Variants in RPTOR observed in about 807,000 individuals in gnomAD.
The protein encoded by RPTOR is regulatory associated protein of MTOR complex 1, also known as regulatory-associated protein of mTOR.
A neutral mutation model predicts 169.9 loss-of-function variants in RPTOR; 21 were observed. The observed-to-expected ratio is 0.12, with a 90% CI of 0.09 to 0.18. The LOEUF is 0.18. Ranked by LOEUF, RPTOR falls within the 10% of genes least tolerant of loss-of-function variation. The pLI, the probability that RPTOR is intolerant of heterozygous loss-of-function variation, is 1.00. For synonymous variants in RPTOR, 732 were observed against 753.2 expected (o/e 0.97, Z 0.46); for missense variants, 1,133 against 1,855.9 (o/e 0.61, Z 7.16).
At chr17:80,728,965 TTGGC>T (rs1382917046) in intron 4 of RPTOR, among the ~76,000 whole-genome samples, 2 of 152,194 alleles carry the variant, frequency 1.3e-5, no homozygotes, top group Non-Finnish European at 2.9e-5. Flanking sequence ...AACAACATGT[TTGGC>T]AGAGCACAGG....
At chr17:80,561,198 G>A (rs1323087501) in intron 1 of RPTOR, among the ~76,000 whole-genome samples, 1 of 142,520 alleles carries the variant, frequency 7.0e-6, no homozygotes, top group African/African-American at 2.6e-5. Context: ...AGCCTCCTGA[G>A]TAGCTATGAT....
At chr17:80,790,499 T>C in intron 6 of RPTOR, among the ~76,000 whole-genome samples, 1 of 152,100 alleles carries the variant, frequency 6.6e-6, no homozygotes, top group East Asian at 1.9e-4. Context: ...TCTGTGTCTT[T>C]TTCTCCCATT....
chr17:80,835,632 G>A (rs897211611), intron 9 of RPTOR, among the ~76,000 whole-genome samples: 24 of 152,298 alleles, frequency 1.6e-4, no homozygotes, highest in Non-Finnish European at 2.4e-4. Flanking sequence ...TTCCCCTCCC[G>A]ACCTTGCGGG....
At position 80,844,914 on chromosome 17, in the gene RPTOR, C is replaced by T. The variant is rs1028101513; in HGVS notation, c.1213-1559C>T. On this transcript the variant is annotated intron_variant, in intron 10 of 33. Transcript: ENST00000306801. This position sits in a 1 kb window ranked among gnomAD's most constrained non-coding sequence, Gnocchi z 4.7. ...CCACTGCGGCCACCCACCTTCCCCC[C>T]GAGCAAAATCAAACAACGTAGGGAA... is the stretch of plus-strand genomic sequence containing the variant. Among the ~76,000 whole-genome samples, 4 of 152,038 alleles carry T rather than the reference C, an allele frequency of 2.6e-5. No individual in the cohort carries two copies. Among genetic ancestry groups the T allele is most frequent in the Non-Finnish European group, 2.9e-5 (2 of 68,004 alleles).
At chr17:80,713,722 C>T (rs2143125173) in intron 4 of RPTOR, among the ~76,000 whole-genome samples, 1 of 152,124 alleles carries the variant, frequency 6.6e-6, no homozygotes, top group African/African-American at 2.4e-5. Context: ...TAAAGAGGGC[C>T]ATTTCCTCAT....
chr17:80,954,294 G>A (rs2069220557), intron 28 of RPTOR, among the ~76,000 whole-genome samples: 1 of 152,258 alleles, frequency 6.6e-6, no homozygotes, highest in East Asian at 1.9e-4. Context: ...GCTATTTTGT[G>A]TATTTTTAGT....
intron 5 of RPTOR, among the ~76,000 whole-genome samples, chr17:80,737,243 G>A (rs1460508969): frequency 6.6e-6 from 1 of 152,234 alleles, no homozygotes; most frequent in African/African-American, 2.4e-5. Flanking sequence ...GTGACAGGAG[G>A]CGTTGGCTAG....
At chr17:80,565,117 T>C (rs2084563431) in intron 1 of RPTOR, among the ~76,000 whole-genome samples, 1 of 152,226 alleles carries the variant, frequency 6.6e-6, no homozygotes, top group African/African-American at 2.4e-5. Context: ...GAAGGATTTC[T>C]AGCTTTGTGT....
At chr17:80,809,852 C>T (rs1372047776) in intron 7 of RPTOR, among the ~76,000 whole-genome samples, 1 of 152,084 alleles carries the variant, frequency 6.6e-6, no homozygotes, top group Admixed American at 6.5e-5. Context: ...TCCTAGCTAA[C>T]ACGGTGAAAG....
chr17:80,816,238 C>T (rs771553740), intron 7 of RPTOR, among the ~76,000 whole-genome samples: 7 of 152,328 alleles, frequency 4.6e-5, no homozygotes, highest in Non-Finnish European at 8.8e-5. Context: ...GGGCCTGGCC[C>T]GAGAATGCTG....
intron 6 of RPTOR, among the ~76,000 whole-genome samples, chr17:80,755,752 AAAAAAAGAAAC>A (rs895457274): frequency 6.6e-6 from 1 of 151,414 alleles, no homozygotes; most frequent in African/African-American, 2.4e-5. Context: ...AAAAAAAAAA[AAAAAAAGAAAC>A]AAAAAAAGAG....
chr17:80,566,429 A>G (rs1379172184), intron 1 of RPTOR, among the ~76,000 whole-genome samples: 1 of 152,208 alleles, frequency 6.6e-6, no homozygotes, highest in Non-Finnish European at 1.5e-5. Flanking sequence ...TTAAAAAGGT[A>G]TATGTACACA....
intron 25 of RPTOR, among the ~76,000 whole-genome samples, chr17:80,944,333 A>T (rs1207187820): frequency 6.6e-6 from 1 of 152,254 alleles, no homozygotes; most frequent in Admixed American, 6.5e-5. Context: ...TACGAATCAG[A>T]GCCCTACCGA....
intron 1 of RPTOR, among the ~76,000 whole-genome samples, chr17:80,566,626 C>T (rs1189277741): frequency 6.6e-6 from 1 of 151,592 alleles, no homozygotes; most frequent in African/African-American, 2.4e-5. Context: ...CGAGATCATC[C>T]TGGCTAATAC....
At chr17:80,670,327 C>T (rs1366223893) in intron 3 of RPTOR, among the ~76,000 whole-genome samples, 2 of 152,170 alleles carry the variant, frequency 1.3e-5, no homozygotes, top group African/African-American at 4.8e-5. Flanking sequence ...TGCGCCTTCC[C>T]TCTCCTTTCC....
intron 7 of RPTOR, among the ~76,000 whole-genome samples, 183 bp downstream of exon 7, chr17:80,791,692 GAGATAACCAAACA>G (rs1567913291): frequency 6.6e-6 from 1 of 152,104 alleles, no homozygotes; most frequent in South Asian, 2.1e-4. Context: ...CTTAGTGCAG[GAGATAACCAAACA>G]TGGGCCATAT....
At chr17:80,918,949 G>C (rs1305829977) in intron 21 of RPTOR, among the ~76,000 whole-genome samples, 1 of 152,098 alleles carries the variant, frequency 6.6e-6, no homozygotes, top group Admixed American at 6.5e-5. Flanking sequence ...TGTGGAAAAG[G>C]GGCCACAGCA....
At chr17:80,868,970 G>C (rs2068022520) in intron 13 of RPTOR, among the ~76,000 whole-genome samples, 1 of 152,152 alleles carries the variant, frequency 6.6e-6, no homozygotes, top group African/African-American at 2.4e-5. Context: ...AGGGGCAGAA[G>C]AAAATGTCTG....
At chr17:80,664,724 G>T (rs895277665) in intron 3 of RPTOR, among the ~76,000 whole-genome samples, 3 of 152,202 alleles carry the variant, frequency 2.0e-5, no homozygotes, top group Non-Finnish European at 4.4e-5. Flanking sequence ...AATCATGGCT[G>T]TTGGGAGTTT....
Sources: gnomAD v4.1 joint callset for allele counts (sites outside exome capture counted in the v4.1 genomes callset) on GRCh38, gnomAD v4.1.1 for gene constraint, Gnocchi (gnomAD v3.1) non-coding constraint, MANE v1.5 for transcripts, NCBI Gene and HGNC (gene_info 2026-07-23, HGNC 2026-07-21) for gene names.